SLC12A7: variants seen among roughly 807,000 people sequenced by gnomAD.
SLC12A7 encodes K-Cl cotransporter 4.
A neutral mutation model predicts 120.6 loss-of-function variants in SLC12A7; 100 were observed. That is an observed-to-expected ratio of 0.83 (90% CI 0.71 to 0.98). The LOEUF (loss-of-function observed/expected upper bound fraction) is 0.98. SLC12A7 is among the 50% of genes least tolerant of loss of function. The pLI is 0.00. For synonymous variants in SLC12A7, 760 were observed against 678.0 expected (o/e 1.12, Z -1.88); for missense variants, 1,373 against 1,548.1 (o/e 0.89, Z 1.90).
intron 4 of SLC12A7, 53 bp downstream of exon 4, chr5:1,088,929 G>A: frequency 6.2e-7 from 1 of 1,606,838 alleles, no homozygotes; most frequent in Non-Finnish European, 8.5e-7. Context: ...GAGCCCTACT[G>A]TCCAGCTGCC....
the SLC12A7 span, among the ~76,000 whole-genome samples, chr5:1,146,577 C>T: frequency 2.6e-5 from 4 of 152,222 alleles, no homozygotes; most frequent in Non-Finnish European, 4.4e-5. This position sits in a 1 kb window ranked among gnomAD's most constrained non-coding sequence, Gnocchi z 6.5. Context: ...CGACGGGAAG[C>T]GGTGGTCGGC....
intron 8 of SLC12A7, among the ~76,000 whole-genome samples, chr5:1,082,875 C>T (rs1380845044): frequency 1.0e-4 from 14 of 135,596 alleles, no homozygotes; most frequent in Non-Finnish European, 1.6e-4. Context: ...CTGGAAAGTC[C>T]AGGCTTCCCG....
At chr5:1,126,677 C>T in the SLC12A7 span, among the ~76,000 whole-genome samples, 20 of 152,312 alleles carry the variant, frequency 1.3e-4, no homozygotes, top group Admixed American at 2.6e-4. Context: ...TGTGTTGTTT[C>T]CCTCTATGTG....
intron 3 of SLC12A7, among the ~76,000 whole-genome samples, chr5:1,090,445 G>A (rs78626155): frequency 0.029 from 4,417 of 152,278 alleles, 198 homozygotes; most frequent in African/African-American, 0.094. Context: ...AGAGGGTGAC[G>A]GGGCTGGGGG....
intron 3 of SLC12A7, among the ~76,000 whole-genome samples, chr5:1,092,967 A>C (rs1033390243): frequency 2.6e-5 from 4 of 152,112 alleles, no homozygotes; most frequent in African/African-American, 4.8e-5. Flanking sequence ...AACCCTCCCG[A>C]GGATGCTCAA....
chr5:1,075,471 T>A lies in SLC12A7; in HGVS notation c.1867A>T (p.Met623Leu), dbSNP rs762647643. Residue 623 changes from methionine to leucine, a missense_variant, in exon 15 of 24, where the codon ATG (methionine) becomes TTG (leucine). By Grantham distance (15) the Met-to-Leu change is conservative. Transcript: ENST00000264930. ...FYHWTLSFLGMSLCLALMFIC... is the reference protein window; with the variant it reads ...FYHWTLSFLGLSLCLALMFIC... Reference sequence around the variant, plus strand: ...AACATCAGCGCCAGGCACAGGCTCATACCCAGAAAGGACAGGGTCCTGGGG... The same window carrying A: ...AACATCAGCGCCAGGCACAGGCTCAAACCCAGAAAGGACAGGGTCCTGGGG... 1.2e-6 allele frequency: 2 copies of A among 1,611,856 alleles called. No homozygotes were observed. Among genetic ancestry groups the A allele is most frequent in the Non-Finnish European group, 1.7e-6 (2 of 1,179,134 alleles).
chr5:1,068,669 C>T lies in SLC12A7; in HGVS notation c.2242-3191G>A, dbSNP rs1028636566. On this transcript the variant is annotated intron_variant, in intron 17 of 23. Transcript: ENST00000264930. Reference sequence around the variant, plus strand: ...CGGGGGCAGGGTGCGCTCGTCCTCCCGTCCGCAAGAGCGGGCTCCTGTCTG... The same window carrying T: ...CGGGGGCAGGGTGCGCTCGTCCTCCTGTCCGCAAGAGCGGGCTCCTGTCTG... Among the ~76,000 whole-genome samples the T allele has an allele frequency of 7.2e-5, 11 of 152,300 alleles. No individual in the cohort carries two copies. The East Asian group carries it at 1.9e-3, about 27-fold the overall frequency.
rs1032371887 is a variant in SLC12A7 at position 1,085,781 on chromosome 5, G to A, written c.676-308C>T. ...CCTGAACGTTTCCCAGGAACCACCCGGGAGCCTTAGAGTAAAGCAACTTCA... is the reference window on the plus strand; with the variant it reads ...CCTGAACGTTTCCCAGGAACCACCCAGGAGCCTTAGAGTAAAGCAACTTCA... On this transcript the variant is annotated intron_variant, in intron 6 of 23. Coordinates refer to ENST00000264930, the MANE Select transcript of SLC12A7 (RefSeq NM_006598.3). Among the ~76,000 whole-genome samples the A allele has an allele frequency of 4.6e-5, 7 of 152,212 alleles. No individual in the cohort carries two copies. In the East Asian group the frequency reaches 7.7e-4, roughly 17 times the overall value.
Position 1,112,019 on chromosome 5 carries a change from C to T in SLC12A7, c.-28G>A, listed in dbSNP as rs747275138. ...CCGCCTGCAGCCGACAGTCCCCGTC[C>T]CGGCCCGGCCCGCGCTGCGCCGCTC... is the stretch of plus-strand genomic sequence containing the variant. On this transcript the variant is annotated 5_prime_UTR_variant, in exon 1 of 24. Transcript: ENST00000264930. 1.6e-6 allele frequency: 2 copies of T among 1,240,146 alleles called. No individual in the cohort carries two copies. Among genetic ancestry groups the T allele is most frequent in the Non-Finnish European group, 2.0e-6 (2 of 988,776 alleles). The allele number at this position is 1,240,146 out of a possible 1,614,324, so 76.8% of individuals were successfully genotyped here.
intron 17 of SLC12A7, among the ~76,000 whole-genome samples, chr5:1,068,937 C>T (rs977989969): frequency 9.9e-5 from 15 of 152,254 alleles, no homozygotes; most frequent in African/African-American, 3.1e-4. Context: ...TTAGAATCCA[C>T]GCCAGCAGGG....
chr5:1,069,976 G>A (rs1000570125), intron 17 of SLC12A7, among the ~76,000 whole-genome samples: 8 of 141,600 alleles, frequency 5.6e-5, no homozygotes, highest in Non-Finnish European at 1.0e-4. Context: ...AGCAGCACAC[G>A]GCATCACACT....
intron 1 of SLC12A7, among the ~76,000 whole-genome samples, chr5:1,096,610 G>A (rs962370835): frequency 1.3e-5 from 2 of 149,156 alleles, no homozygotes; most frequent in Admixed American, 1.3e-4. Context: ...ACACTTTCTG[G>A]AGTCAATGGA....
the SLC12A7 span, among the ~76,000 whole-genome samples, chr5:1,148,319 G>C: frequency 9.0e-5 from 13 of 144,618 alleles, no homozygotes; most frequent in South Asian, 2.8e-3. Flanking sequence ...CCATTCTCCT[G>C]CCTCAGCCTC....
chr5:1,097,289 C>G (rs183553046), intron 1 of SLC12A7, among the ~76,000 whole-genome samples: 1 of 152,262 alleles, frequency 6.6e-6, no homozygotes, highest in African/African-American at 2.4e-5. Flanking sequence ...ACATCCTTCC[C>G]GTCGCCTCCA....
the SLC12A7 span, among the ~76,000 whole-genome samples, chr5:1,152,062 G>A: frequency 6.6e-6 from 1 of 152,222 alleles, no homozygotes; most frequent in East Asian, 1.9e-4. Context: ...TGCCGAGCTG[G>A]ACCTTCCCAC....
chr5:1,096,762 AG>A (rs1741224562), intron 1 of SLC12A7, among the ~76,000 whole-genome samples: 1 of 10,460 alleles, frequency 9.6e-5, no homozygotes, highest in African/African-American at 3.7e-4. Context: ...GGAGGGAGGA[AG>A]GAAAGGAGGG....
the SLC12A7 span, among the ~76,000 whole-genome samples, chr5:1,136,567 C>T: frequency 5.4e-5 from 7 of 130,320 alleles, no homozygotes; most frequent in East Asian, 5.0e-4. Context: ...CACCAGGACA[C>T]GCAGGCACAC....
At chr5:1,080,019 G>A (rs56287436) in intron 9 of SLC12A7, among the ~76,000 whole-genome samples, 48,589 of 152,244 alleles carry the variant, frequency 0.32, 9,574 homozygotes, top group Non-Finnish European at 0.44. Context: ...CCGGGTCGGT[G>A]GGGGCCACTT....
At chr5:1,121,664 A>AG in the SLC12A7 span, among the ~76,000 whole-genome samples, 29 of 152,314 alleles carry the variant, frequency 1.9e-4, no homozygotes, top group Middle Eastern at 3.4e-3. Context: ...CAGAAGCCTT[A>AG]GGACATTCCT....
Sources: allele counts gnomAD v4.1 joint callset (sites outside exome capture counted in the v4.1 genomes callset), GRCh38; gene constraint gnomAD v4.1.1; non-coding constraint Gnocchi (gnomAD v3.1); transcripts MANE v1.5; gene names NCBI Gene and HGNC (gene_info 2026-07-23, HGNC 2026-07-21).